Variants in LRRC28 observed in about 807,000 individuals in gnomAD.
The protein encoded by LRRC28 is leucine rich repeat containing 28, also known as leucine-rich repeat-containing protein 28.
A neutral mutation model predicts 45.7 loss-of-function variants in LRRC28; 39 were observed. That is an observed-to-expected ratio of 0.85 (90% confidence interval 0.66 to 1.12). LRRC28 has a LOEUF of 1.12. Among genes scored for constraint, LRRC28 ranks in the 50% most tolerant of loss-of-function variants. The probability of loss-of-function intolerance (pLI) is 0.00; values close to 1 mark genes in which losing one functional copy is unlikely to be tolerated. For missense variants in LRRC28, 435 were observed against 438.5 expected, an observed-to-expected ratio of 0.99 and a Z score of 0.07; for synonymous variants, 206 against 178.8, an observed-to-expected ratio of 1.15 and a Z score of -1.22.
chr15:99,307,124 T>C (rs1408386477), intron 5 of LRRC28, among the ~76,000 whole-genome samples: 1 of 150,554 alleles, frequency 6.6e-6, no homozygotes, highest in African/African-American at 2.4e-5. Flanking sequence ...TTCTGAAGCA[T>C]GTTTTCATTG....
intron 2 of LRRC28, chr15:99,257,896 T>G: frequency 1.3e-6 from 1 of 770,622 alleles, no homozygotes; most frequent in Non-Finnish European, 2.4e-6. Context: ...ATGAAACTTA[T>G]CATCAATTCA....
At chr15:99,364,718 G>A (rs1957295492) in intron 9 of LRRC28, among the ~76,000 whole-genome samples, 1 of 152,078 alleles carries the variant, frequency 6.6e-6, no homozygotes, top group Admixed American at 6.5e-5. Flanking sequence ...CAATAGAATG[G>A]GAATAATAAT....
In LRRC28 at chr15:99,386,367, C is replaced by A. The variant is rs1002248542; in HGVS notation, c.*265C>A. 2.2e-5 allele frequency: 8 copies of A among 367,474 alleles called. No homozygotes were observed. The highest frequency in any genetic ancestry group is 3.9e-5 in the Non-Finnish European group (8 of 204,180). 22.8% of individuals were successfully genotyped at this position (367,474 alleles called of 1,614,324 possible). On this transcript the variant is annotated 3_prime_UTR_variant, in exon 10 of 10. Transcript: ENST00000301981. The stretch of plus-strand genomic sequence containing the variant: ...TACAGAAACCATTTAGATTGATGGG[C>A]CTCCCCAAATCTAATTTAAAGCAAG...
At chr15:99,332,225 A>G (rs887810576) in intron 5 of LRRC28, among the ~76,000 whole-genome samples, 11 of 152,174 alleles carry the variant, frequency 7.2e-5, no homozygotes, top group Non-Finnish European at 1.3e-4. Flanking sequence ...AAGGTGGAGT[A>G]CTATGCCAGT....
intron 5 of LRRC28, among the ~76,000 whole-genome samples, chr15:99,322,067 T>G (rs756315073): frequency 6.6e-6 from 1 of 152,084 alleles, no homozygotes; most frequent in Non-Finnish European, 1.5e-5. Flanking sequence ...GACCGAGGAA[T>G]AGCAGATTCA....
intron 5 of LRRC28, among the ~76,000 whole-genome samples, chr15:99,323,718 G>A (rs570486385): frequency 6.6e-6 from 1 of 152,096 alleles, no homozygotes; most frequent in Non-Finnish European, 1.5e-5. Flanking sequence ...TTTACATTTG[G>A]AATATTTTGT....
At chr15:99,308,578 G>T (rs767097204) in intron 5 of LRRC28, among the ~76,000 whole-genome samples, 1 of 152,108 alleles carries the variant, frequency 6.6e-6, no homozygotes, top group African/African-American at 2.4e-5. Context: ...AGGCTGAGGT[G>T]GGGGGATTGC....
chr15:99,296,186 T>C (rs2082257252), intron 5 of LRRC28, among the ~76,000 whole-genome samples: 1 of 152,214 alleles, frequency 6.6e-6, no homozygotes, highest in African/African-American at 2.4e-5. Flanking sequence ...TCCCACCTTG[T>C]AGTTACAAGC....
chr15:99,339,184 G>A (rs985183117), intron 6 of LRRC28, among the ~76,000 whole-genome samples: 7 of 152,048 alleles, frequency 4.6e-5, no homozygotes, highest in Non-Finnish European at 7.4e-5. Context: ...TTAACCATGC[G>A]CTTCTGGTTT....
chr15:99,337,306 C>CCT (rs1956357495), intron 6 of LRRC28, among the ~76,000 whole-genome samples: 1 of 152,214 alleles, frequency 6.6e-6, no homozygotes, highest in African/African-American at 2.4e-5. Context: ...TGGGGAGTGA[C>CCT]GCTGTGTGTC....
At chr15:99,311,133 T>C (rs1955393654) in intron 5 of LRRC28, among the ~76,000 whole-genome samples, 1 of 152,094 alleles carries the variant, frequency 6.6e-6, no homozygotes, top group African/African-American at 2.4e-5. Flanking sequence ...AAAGATATAT[T>C]TCAGCTAAAG....
At position 99,363,146 on chromosome 15, in the gene LRRC28, C is replaced by G. The variant is rs1389289540; in HGVS notation, c.912C>G (p.Leu304=). The G allele has an allele frequency of 6.2e-6, 10 of 1,613,876 alleles. No individual in the cohort carries two copies. In the South Asian group the frequency reaches 1.1e-4, roughly 18 times the overall value. The change falls in exon 9 of 10, where the codon CTC becomes CTG. Residue 304 remains leucine, a synonymous_variant. Transcript: ENST00000301981. The part of the protein sequence containing the change: ...FLSPISLPRS[L]LELLHCPLGH... Reference sequence around the variant, plus strand: ...CTCCAATCTCATTACCCAGAAGTCTCCTAGAGCTGCTGCACTGCCCTCTGG... The same window carrying G: ...CTCCAATCTCATTACCCAGAAGTCTGCTAGAGCTGCTGCACTGCCCTCTGG...
At chr15:99,297,956 C>G (rs1441892036) in intron 5 of LRRC28, among the ~76,000 whole-genome samples, 1 of 151,206 alleles carries the variant, frequency 6.6e-6, no homozygotes, top group Non-Finnish European at 1.5e-5. Context: ...CAAATACATA[C>G]AGAAAAATAC....
In LRRC28 at chr15:99,278,246, T is replaced by C. The variant is rs568984099; in HGVS notation, c.209+1630T>C. On this transcript the variant is annotated intron_variant, in intron 3 of 9. Transcript: ENST00000301981. The stretch of plus-strand genomic sequence containing the variant: ...GAGTGGACATCCTTGTCTTCTTTCT[T>C]TTTTAAAAAAAAATTTTTTAAGACC... Among the ~76,000 whole-genome samples, 152 of 152,270 alleles carry C rather than the reference T, an allele frequency of 1.0e-3. 3 individuals carry two copies. The highest frequency in any genetic ancestry group is 3.2e-3 in the African/African-American group (134 of 41,550).
chr15:99,374,680 CT>C (rs796137860), intron 9 of LRRC28, among the ~76,000 whole-genome samples: 152 of 145,168 alleles, frequency 1.0e-3, no homozygotes, highest in Middle Eastern at 3.6e-3. Context: ...GTTCCAATCT[CT>C]TTTTTTTTTT....
chr15:99,272,533 G>A (rs546756619), intron 2 of LRRC28, among the ~76,000 whole-genome samples: 5 of 152,182 alleles, frequency 3.3e-5, no homozygotes, highest in Admixed American at 2.6e-4. Flanking sequence ...AATATTTGAC[G>A]TATTTGTTCC....
intron 5 of LRRC28, among the ~76,000 whole-genome samples, chr15:99,322,575 A>G (rs1003245913): frequency 6.6e-6 from 1 of 152,196 alleles, no homozygotes; most frequent in Non-Finnish European, 1.5e-5. Flanking sequence ...TAAAATATCA[A>G]TAAAATAAGG....
At chr15:99,322,015 A>G (rs1955814577) in intron 5 of LRRC28, among the ~76,000 whole-genome samples, 1 of 152,228 alleles carries the variant, frequency 6.6e-6, no homozygotes, top group Admixed American at 6.5e-5. Flanking sequence ...CTGAAACACA[A>G]GAAAGAGTCT....
rs571463640 is a variant in LRRC28, at chr15:99,368,028, G to A, written c.1031+4763G>A. 2.6e-5 allele frequency among the ~76,000 whole-genome samples: 4 copies of A among 152,184 alleles called. No individual in the cohort carries two copies. In the South Asian group the frequency reaches 8.3e-4, roughly 32 times the overall value. On this transcript the variant is annotated intron_variant, in intron 9 of 9. Coordinates refer to ENST00000301981, the MANE Select transcript of LRRC28 (RefSeq NM_144598.5). ...TATGAATGATACTCTAATCACTTAG[G>A]AGATTTCAGAGTTTTAGGAGCCATA...
Sources: gnomAD v4.1 joint callset for allele counts (sites outside exome capture counted in the v4.1 genomes callset) on GRCh38, gnomAD v4.1.1 for gene constraint, MANE v1.5 for transcripts, NCBI Gene and HGNC (gene_info 2026-07-23, HGNC 2026-07-21) for gene names.